HNRNPL: variants seen among roughly 807,000 people sequenced by gnomAD.
HNRNPL encodes the protein epididymis secretory sperm binding protein.
In HNRNPL, 12 loss-of-function variants were observed where a neutral mutation model predicts 64.0. That is an observed-to-expected ratio of 0.19 (90% CI 0.12 to 0.30). The LOEUF (loss-of-function observed/expected upper bound fraction) is 0.30, where lower values mean the gene tolerates loss of function less well. HNRNPL is among the 10% of genes least tolerant of loss of function. HNRNPL has a pLI of 1.00. For synonymous variants in HNRNPL, 385 were observed against 313.0 expected (o/e 1.23, Z -2.43); for missense variants, 484 against 797.4 (o/e 0.61, Z 4.73).
At chr19:38,838,185 G>A (rs1971992521) in intron 10 of HNRNPL, among the ~76,000 whole-genome samples, 1 of 152,214 alleles carries the variant, frequency 6.6e-6, no homozygotes, top group South Asian at 2.1e-4. Flanking sequence ...CGCGGCAAAT[G>A]GTGTTGCTAG....
rs754543185 is a variant in HNRNPL at position 38,836,679 on chromosome 19, G to A, written c.*43C>T. ...AACAAAAAATGGCATAAAGGAAAGA[G>A]AAATGTCTTCCTGCTCAGATGGGAC... On this transcript the variant is annotated 3_prime_UTR_variant, in exon 13 of 13. Coordinates refer to ENST00000221419, the MANE Select transcript of HNRNPL (RefSeq NM_001533.3). 2.2e-5 allele frequency: 29 copies of A among 1,307,648 alleles called. No homozygotes were observed. The South Asian group carries it at 3.6e-4, about 16-fold the overall frequency. 81.0% of individuals were successfully genotyped at this position (1,307,648 alleles called of 1,614,324 possible). A position where few individuals can be genotyped will look rare whatever the true frequency, so the allele number is the denominator to read the frequency against.
chr19:38,840,790 T>C, intron 6 of HNRNPL: 1 of 549,398 alleles, frequency 1.8e-6, no homozygotes. Flanking sequence ...CTGGCCTTGT[T>C]CTGTGAAGGA....
chr19:38,838,844 CCTT>C lies in HNRNPL; in HGVS notation c.1355+47_1355+49del, dbSNP rs377469393. On this transcript the variant is annotated intron_variant, in intron 9 of 12. Transcript: ENST00000221419. ...CTCCTCTGCTGGGCCCCATTCCCCT[CCTT>C]TTCTCTCCCCTGTACCTCTGCTGCC... 205 of 1,612,226 alleles carry C rather than the reference CCTT, an allele frequency of 1.3e-4. No individual in the cohort carries two copies. In the African/African-American group the frequency reaches 1.9e-3, roughly 15 times the overall value.
intron 2 of HNRNPL, among the ~76,000 whole-genome samples, chr19:38,846,992 G>T (rs1241119302): frequency 1.3e-5 from 2 of 152,042 alleles, no homozygotes; most frequent in Non-Finnish European, 2.9e-5. Context: ...TACTCAGCAG[G>T]CCGAGGCAGA....
At chr19:38,845,276 CAGG>C (rs1972253634) in intron 4 of HNRNPL, 2 of 180,404 alleles carry the variant, frequency 1.1e-5, no homozygotes, top group South Asian at 2.1e-4. Flanking sequence ...AAGGCTGAGG[CAGG>C]AGAATTGCTT....
At chr19:38,845,621 A>C (rs750712844) in intron 4 of HNRNPL, 29 bp downstream of exon 4, 11 of 1,571,450 alleles carry the variant, frequency 7.0e-6, no homozygotes, top group Non-Finnish European at 8.8e-6. Context: ...CCCTACCCTA[A>C]GGAACACCTG....
At chr19:38,849,621 T>C (rs1182595108) in intron 1 of HNRNPL, 79 bp downstream of exon 1, 5 of 1,284,328 alleles carry the variant, frequency 3.9e-6, no homozygotes, top group Admixed American at 3.4e-5. Context: ...GAGGCCCCCC[T>C]CAAAAAATAA....
At position 38,836,482 on chromosome 19, in the gene HNRNPL, C is replaced by A; in HGVS notation, c.*240G>T. 2.7e-6 allele frequency: 1 copy of A among 372,134 alleles called. No homozygotes were observed. Among genetic ancestry groups the A allele is most frequent in the Non-Finnish European group, 4.8e-6 (1 of 207,496 alleles). 23.1% of individuals were successfully genotyped at this position (372,134 alleles called of 1,614,324 possible). A position where few individuals can be genotyped will look rare whatever the true frequency, so the allele number is the denominator to read the frequency against. On this transcript the variant is annotated 3_prime_UTR_variant, in exon 13 of 13. Coordinates refer to ENST00000221419, the MANE Select transcript of HNRNPL (RefSeq NM_001533.3). ...ACAGGAAAAAAAAAAATCACATGTA[C>A]AATAATTTTTTAAAAGTGAAGGTTA...
At position 38,846,956 on chromosome 19, in the gene HNRNPL, T is replaced by C. The variant is rs1357433795; in HGVS notation, c.386+360A>G. 2.0e-5 allele frequency among the ~76,000 whole-genome samples: 3 copies of C among 151,828 alleles called. No individual in the cohort carries two copies. The East Asian group carries it at 5.8e-4, about 29-fold the overall frequency. On this transcript the variant is annotated intron_variant, in intron 2 of 12. Coordinates refer to ENST00000221419, the MANE Select transcript of HNRNPL (RefSeq NM_001533.3). Reference sequence around the variant, plus strand: ...TATATATGTAAAAATTAGCCGGGCATGGTGGCGCATGCCTATAGTCCCAGC... The same window carrying C: ...TATATATGTAAAAATTAGCCGGGCACGGTGGCGCATGCCTATAGTCCCAGC...
At chr19:38,847,519 C>G in intron 1 of HNRNPL, 85 bp from the exon 2 acceptor site, 1 of 698,852 alleles carries the variant, frequency 1.4e-6, no homozygotes, top group South Asian at 3.3e-5. Context: ...TAGACCCAGT[C>G]AGATAAAACA....
intron 9 of HNRNPL, 143 bp downstream of exon 9, chr19:38,838,749 CAG>C: frequency 5.3e-6 from 7 of 1,330,410 alleles, no homozygotes; most frequent in Non-Finnish European, 7.5e-6. Flanking sequence ...CCTGTGGTGT[CAG>C]AGACACGTCT....
chr19:38,848,570 C>G (rs991968209), intron 1 of HNRNPL, among the ~76,000 whole-genome samples: 1 of 152,186 alleles, frequency 6.6e-6, no homozygotes, highest in African/African-American at 2.4e-5. Flanking sequence ...AATCACTGGG[C>G]AGAAGTGCGT....
Position 38,849,838 on chromosome 19 carries a change from G to T in HNRNPL, c.129C>A (p.Gly43=), listed in dbSNP as rs974962082. Residue 43 remains glycine, a synonymous_variant, in exon 1 of 13, where the codon GGC becomes GGA. Transcript: ENST00000221419. ...TGCCGCCGCCGTAGTAGCGGCCACCGCCGCCTCCGCCGCCCGCCGCCGCCA... is the reference window on the plus strand; with the variant it reads ...TGCCGCCGCCGTAGTAGCGGCCACCTCCGCCTCCGCCGCCCGCCGCCGCCA... ...VKMAAAGGGG[G]GGRYYGGGSE... 8 of 1,192,292 alleles carry T rather than the reference G, an allele frequency of 6.7e-6. No homozygotes were observed. In the Admixed American group the frequency reaches 1.5e-4, roughly 22 times the overall value. 73.9% of individuals were successfully genotyped at this position (1,192,292 alleles called of 1,614,324 possible).
At chr19:38,843,691 C>CA in intron 6 of HNRNPL, 151 bp downstream of exon 6, 1 of 652,908 alleles carries the variant, frequency 1.5e-6, no homozygotes, top group East Asian at 2.7e-5. Flanking sequence ...TCCCCCATCC[C>CA]ACTAGGGTGT....
chr19:38,850,072 A>T, upstream of HNRNPL: 2 of 907,266 alleles, frequency 2.2e-6, no homozygotes, highest in Non-Finnish European at 3.1e-6. Context: ...CCGCGGGGGG[A>T]GGGTAGGCCG....
At chr19:38,836,804 T>C (rs762485218) in intron 12 of HNRNPL, 24 bp from the exon 13 acceptor site, 19 of 1,595,256 alleles carry the variant, frequency 1.2e-5, no homozygotes, top group Non-Finnish European at 1.5e-5. Context: ...ACAAGTTTGG[T>C]TGGTTCCCGT....
chr19:38,839,706 C>T (rs1972046362), intron 8 of HNRNPL: 1 of 209,482 alleles, frequency 4.8e-6, no homozygotes, highest in South Asian at 6.5e-5. Context: ...GACACTCAGC[C>T]ACCGCTAGCC....
chr19:38,850,291 C>T (rs2145444091), upstream of HNRNPL: 2 of 291,814 alleles, frequency 6.9e-6, no homozygotes, highest in Non-Finnish European at 6.3e-6. Context: ...GCGCTCTAAA[C>T]CTCCCAAGAA....
chr19:38,840,763 C>G (rs181891806), intron 6 of HNRNPL: 38 of 588,842 alleles, frequency 6.5e-5, no homozygotes, highest in Non-Finnish European at 1.1e-4. Flanking sequence ...TCTCCTTCCC[C>G]TGCTCATACC....
Sources: allele counts gnomAD v4.1 joint callset (sites outside exome capture counted in the v4.1 genomes callset), GRCh38; gene constraint gnomAD v4.1.1; transcripts MANE v1.5; gene names NCBI Gene and HGNC (gene_info 2026-07-23, HGNC 2026-07-21).